Variants in CAMK1D observed in about 807,000 individuals in gnomAD.
CAMK1D encodes calcium/calmodulin-dependent protein kinase type 1D.
CAMK1D carries 9 observed loss-of-function variants against 47.7 expected under a neutral mutation model. The ratio of observed to expected loss-of-function variants is 0.19; its 90% CI spans 0.11 to 0.33. The LOEUF is 0.33. Ranked by LOEUF, CAMK1D falls within the 10% of genes least tolerant of loss-of-function variation. CAMK1D has a pLI of 1.00. For missense variants in CAMK1D, 291 were observed against 488.7 expected, an observed-to-expected ratio of 0.60 and a Z score of 3.81; for synonymous variants, 184 against 184.9, an observed-to-expected ratio of 0.99 and a Z score of 0.04.
intron 1 of CAMK1D, among the ~76,000 whole-genome samples, chr10:12,496,671 T>C (rs1033590711): frequency 1.3e-5 from 2 of 152,190 alleles, no homozygotes; most frequent in African/African-American, 4.8e-5. Context: ...ATACCAAATT[T>C]TCGTTAGAAG....
intron 2 of CAMK1D, among the ~76,000 whole-genome samples, chr10:12,570,203 A>G (rs1471285470): frequency 4.6e-5 from 7 of 151,982 alleles, no homozygotes; most frequent in Non-Finnish European, 1.0e-4. Flanking sequence ...ACGTCTCAAA[A>G]AAAGTATATA....
chr10:12,349,932 G>A lies in CAMK1D; in HGVS notation c.92+22G>A, dbSNP rs1046697268. On this transcript the variant is annotated intron_variant, in intron 1 of 10. Coordinates refer to ENST00000619168, the MANE Select transcript of CAMK1D (RefSeq NM_153498.4). The stretch of plus-strand genomic sequence containing the variant: ...GAACGTAAGTGGGGACCGGGGAGGC[G>A]AGGGTGGAGGTGGCCGCGGCAGGGG... 5 of 1,469,370 alleles carry A rather than the reference G, an allele frequency of 3.4e-6. No individual in the cohort carries two copies. In the African/African-American group the frequency reaches 5.9e-5, roughly 17 times the overall value. The allele number at this position is 1,469,370 out of a possible 1,614,324, so 91.0% of individuals were successfully genotyped here. A position where few individuals can be genotyped will look rare whatever the true frequency, so the allele number is the denominator to read the frequency against.
chr10:12,651,281 A>G (rs1351329129), intron 2 of CAMK1D, among the ~76,000 whole-genome samples: 1 of 152,234 alleles, frequency 6.6e-6, no homozygotes, highest in Non-Finnish European at 1.5e-5. Flanking sequence ...ACTGGGCTTA[A>G]GGAAGGTGGC....
intron 2 of CAMK1D, among the ~76,000 whole-genome samples, chr10:12,608,658 C>T (rs1223000792): frequency 6.6e-6 from 1 of 152,224 alleles, no homozygotes; most frequent in African/African-American, 2.4e-5. Flanking sequence ...TATCTTATTT[C>T]TTCACTGAAT....
intron 2 of CAMK1D, among the ~76,000 whole-genome samples, chr10:12,619,063 G>C (rs1838910359): frequency 6.6e-6 from 1 of 152,190 alleles, no homozygotes; most frequent in African/African-American, 2.4e-5. Context: ...AGAAGCCATT[G>C]AATCTTTGCA....
chr10:12,518,091 G>A (rs1418066870), intron 1 of CAMK1D, among the ~76,000 whole-genome samples: 1 of 152,034 alleles, frequency 6.6e-6, no homozygotes, highest in African/African-American at 2.4e-5. Context: ...TATCCAGATT[G>A]CCTGTTTTTT....
At chr10:12,432,014 G>C (rs981770482) in intron 1 of CAMK1D, among the ~76,000 whole-genome samples, 2 of 152,216 alleles carry the variant, frequency 1.3e-5, no homozygotes, top group African/African-American at 4.8e-5. Context: ...AGAGGTCACT[G>C]TGGCCAGTCT....
chr10:12,657,429 A>AATAAATAAATAAATAC, intron 2 of CAMK1D, among the ~76,000 whole-genome samples: 1 of 149,650 alleles, frequency 6.7e-6, no homozygotes, highest in Non-Finnish European at 1.5e-5. Context: ...GTCTCATAAA[A>AATAAATAAATAAATAC]ATAAATAAAT....
chr10:12,442,931 A>C (rs1235627011), intron 1 of CAMK1D, among the ~76,000 whole-genome samples: 1 of 152,172 alleles, frequency 6.6e-6, no homozygotes, highest in Non-Finnish European at 1.5e-5. Flanking sequence ...AAAGTCTGGA[A>C]TTTCTTTGCT....
At chr10:12,777,435 C>T (rs1222623760) in intron 5 of CAMK1D, among the ~76,000 whole-genome samples, 4 of 143,622 alleles carry the variant, frequency 2.8e-5, no homozygotes, top group Non-Finnish European at 6.0e-5. Flanking sequence ...TGCAGTGGCA[C>T]GATCTCAGCT....
In CAMK1D at chr10:12,751,812, C is replaced by T. The variant is rs1021065397; in HGVS notation, c.300-9136C>T. ...CGCAGCAGGGAAGCCATGTGGTGGG[C>T]GGCTGGGGCCATGCACCTTTGTCAG... On this transcript the variant is annotated intron_variant, in intron 3 of 10. Coordinates refer to ENST00000619168, the MANE Select transcript of CAMK1D (RefSeq NM_153498.4). Among the ~76,000 whole-genome samples, 5 of 152,126 alleles carry T rather than the reference C, an allele frequency of 3.3e-5. No homozygotes were observed. In the East Asian group the frequency reaches 5.8e-4, roughly 18 times the overall value.
At chr10:12,472,492 C>G (rs1248796150) in intron 1 of CAMK1D, among the ~76,000 whole-genome samples, 2 of 95,694 alleles carry the variant, frequency 2.1e-5, no homozygotes, top group Non-Finnish European at 4.5e-5. Context: ...GTCACTGTCT[C>G]ACTCTTCAGT....
intron 3 of CAMK1D, among the ~76,000 whole-genome samples, chr10:12,747,105 C>T (rs1045453721): frequency 1.3e-5 from 2 of 152,062 alleles, no homozygotes; most frequent in African/African-American, 2.4e-5. Flanking sequence ...GATCTCGGCT[C>T]GCTGCAGCCT....
chr10:12,578,262 A>C (rs1376725226), intron 2 of CAMK1D, among the ~76,000 whole-genome samples: 1 of 151,934 alleles, frequency 6.6e-6, no homozygotes, highest in Admixed American at 6.6e-5. Context: ...AATGTTTTGT[A>C]GGGCTGGGCA....
chr10:12,500,215 G>A (rs1834659208), intron 1 of CAMK1D, among the ~76,000 whole-genome samples: 1 of 152,206 alleles, frequency 6.6e-6, no homozygotes, highest in African/African-American at 2.4e-5. Context: ...GCAGTGAGCT[G>A]AGATTGTGCC....
At position 12,830,346 on chromosome 10, in the gene CAMK1D, A is replaced by G. The variant is rs905929866; in HGVS notation, c.*1459A>G. ...GGGAAAGGATCCATTTCTGGTGGTA[A>G]GGAGAGGGGGCCCTGCCAGGCTAAT... On this transcript the variant is annotated 3_prime_UTR_variant, in exon 11 of 11. Coordinates refer to ENST00000619168, the MANE Select transcript of CAMK1D (RefSeq NM_153498.4). 6 of 152,204 alleles carry G rather than the reference A, an allele frequency of 3.9e-5. No homozygotes were observed. Among genetic ancestry groups the G allele is most frequent in the Admixed American group, 2.6e-4 (4 of 15,268 alleles). The allele number at this position is 152,204 out of a possible 1,614,324, so 9.4% of individuals were successfully genotyped here.
intron 1 of CAMK1D, among the ~76,000 whole-genome samples, chr10:12,501,528 A>G (rs1834702798): frequency 6.6e-6 from 1 of 152,188 alleles, no homozygotes; most frequent in Admixed American, 6.5e-5. Context: ...TGTTGTATGC[A>G]CGGCTCTGTG....
intron 3 of CAMK1D, among the ~76,000 whole-genome samples, chr10:12,737,070 C>T (rs1420505548): frequency 6.6e-6 from 1 of 152,144 alleles, no homozygotes; most frequent in Non-Finnish European, 1.5e-5. Context: ...AGGTGCGTAG[C>T]CTGAGTCCCA....
chr10:12,545,978 G>A (rs115431528), intron 1 of CAMK1D, among the ~76,000 whole-genome samples: 5 of 152,254 alleles, frequency 3.3e-5, no homozygotes, highest in South Asian at 2.1e-4. Context: ...ACATGTGTAC[G>A]GCGTGGAGTG....
Sources: gnomAD v4.1 joint callset for allele counts (sites outside exome capture counted in the v4.1 genomes callset) on GRCh38, gnomAD v4.1.1 for gene constraint, MANE v1.5 for transcripts, NCBI Gene and HGNC (gene_info 2026-07-23, HGNC 2026-07-21) for gene names.